Variants in LCN8 observed in about 807,000 individuals in gnomAD.
LCN8 encodes the protein epididymal-specific lipocalin-8.
LCN8 carries 16 observed loss-of-function variants against 22.8 expected under a neutral mutation model. The observed-to-expected ratio is 0.70, with a 90% CI of 0.47 to 1.06. The LOEUF (loss-of-function observed/expected upper bound fraction) is 1.06. Ranked by LOEUF, LCN8 falls within the 50% of genes least tolerant of loss-of-function variation. LCN8 has a pLI of 0.00. For synonymous variants in LCN8, 92 were observed against 83.4 expected (o/e 1.10, Z -0.56); for missense variants, 189 against 203.3 (o/e 0.93, Z 0.43).
rs1489772531 is a variant in LCN8, at chr9:136,757,976, G to A, written c.-46C>T. ...GGAGCACCACGAGGACACCCAGGATGGTGCACGGCAGCCTGGCCTCCGTGG... is the reference window on the plus strand; with the variant it reads ...GGAGCACCACGAGGACACCCAGGATAGTGCACGGCAGCCTGGCCTCCGTGG... On this transcript the variant is annotated 5_prime_UTR_variant, in exon 1 of 7. Transcript: ENST00000371688. 6.2e-7 allele frequency: 1 copy of A among 1,610,702 alleles called. No individual in the cohort carries two copies. Among genetic ancestry groups the A allele is most frequent in the African/African-American group, 1.3e-5 (1 of 74,836 alleles).
Position 136,755,527 on chromosome 9 carries a change from C to A in LCN8, c.227-11G>T. 6.2e-7 allele frequency: 1 copy of A among 1,608,918 alleles called. No individual in the cohort carries two copies. On this transcript the variant is annotated splice_polypyrimidine_tract_variant and intron_variant, in intron 3 of 6. Transcript: ENST00000371688. ...GGATCTCTCTGTGGCCTTCAAGAGC[C>A]GGCCATGGCGTTGGGGGAGACGTCT...
chr9:136,757,550 G>A lies in LCN8; in HGVS notation c.24+357C>T, dbSNP rs374770648. On this transcript the variant is annotated intron_variant, in intron 1 of 6. Transcript: ENST00000371688. ...GGGCGCGGCGGAGTGAGAAACGCCA[G>A]AGAACAGGTGGCTCGGGTAGCGCAG... The A allele has an allele frequency of 9.2e-5, 126 of 1,374,004 alleles. 1 individual carries two copies. The East Asian group carries it at 1.4e-3, about 15-fold the overall frequency. 85.1% of individuals were successfully genotyped at this position (1,374,004 alleles called of 1,614,324 possible).
rs907211739 is a variant in LCN8 at position 136,758,072 on chromosome 9, C to T, written c.-142G>A. On this transcript the variant is annotated 5_prime_UTR_variant, in exon 1 of 7. Transcript: ENST00000371688. Reference sequence around the variant, plus strand: ...TCTATACGGACAGTGCAGGCTTGTGCGCCCACCCGGGAATGTCATCAGGAC... The same window carrying T: ...TCTATACGGACAGTGCAGGCTTGTGTGCCCACCCGGGAATGTCATCAGGAC... 26 of 1,495,590 alleles carry T rather than the reference C, an allele frequency of 1.7e-5. No homozygotes were observed. Among genetic ancestry groups the T allele is most frequent in the South Asian group, 2.5e-5 (2 of 80,204 alleles). 92.6% of individuals were successfully genotyped at this position (1,495,590 alleles called of 1,614,324 possible). A position where few individuals can be genotyped will look rare whatever the true frequency, so the allele number is the denominator to read the frequency against.
Position 136,758,108 on chromosome 9 carries a change from C to T in LCN8, c.-178G>A. The T allele has an allele frequency of 1.4e-6, 2 of 1,461,704 alleles. No individual in the cohort carries two copies. Among genetic ancestry groups the T allele is most frequent in the Non-Finnish European group, 1.8e-6 (2 of 1,105,850 alleles). The allele number at this position is 1,461,704 out of a possible 1,614,324, so 90.5% of individuals were successfully genotyped here. ...GAATGTCATCAGGACAGCTTGGCTG[C>T]TGGCAGCTCAGAGACGTGGGTTTCT... On this transcript the variant is annotated 5_prime_UTR_variant, in exon 1 of 7. Coordinates refer to ENST00000371688, the MANE Select transcript of LCN8 (RefSeq NM_178469.4).
At chr9:136,755,094 C>A (rs376076787) in intron 6 of LCN8, 41 bp downstream of exon 6, 2 of 1,484,478 alleles carry the variant, frequency 1.3e-6, no homozygotes, top group African/African-American at 1.4e-5. Context: ...GCCAGGGGCC[C>A]GGGAACTTCA....
In LCN8 at chr9:136,757,114, T is replaced by C. The variant is rs1847228039; in HGVS notation, c.79A>G (p.Thr27Ala). The stretch of plus-strand genomic sequence containing the variant: ...AAGCCCTCCACCCGCTTCGGGGCCG[T>C]CAGCACCAGGCTTTGATCGGAGGCC... The part of the protein sequence containing the change: ...GVASDQSLVL[T>A]APKRVEGLFL... The change falls in exon 2 of 7, where the codon ACG becomes GCG. Residue 27 changes from threonine (T) to alanine (A), a missense_variant. Coordinates refer to ENST00000371688, the MANE Select transcript of LCN8 (RefSeq NM_178469.4). 1.2e-6 allele frequency: 2 copies of C among 1,613,410 alleles called. No homozygotes were observed. The highest frequency in any genetic ancestry group is 2.7e-5 in the African/African-American group (2 of 74,908).
At chr9:136,758,471 C>T (rs1359523572), upstream of LCN8, 19 of 991,510 alleles carry the variant, frequency 1.9e-5, no homozygotes, top group Non-Finnish European at 2.3e-5. Flanking sequence ...GTCAGAGCTC[C>T]GGAGGCCGGA....
chr9:136,754,959 A>T, intron 6 of LCN8, 176 bp downstream of exon 6: 36 of 1,398,908 alleles, frequency 2.6e-5, no homozygotes, highest in Non-Finnish European at 3.3e-5. Context: ...AAACCAGGAG[A>T]CAGACTCATC....
upstream of LCN8, chr9:136,758,319 C>T: frequency 3.5e-6 from 4 of 1,136,850 alleles, no homozygotes; most frequent in Non-Finnish European, 4.3e-6. Context: ...CCCCACCCCA[C>T]ATGACACTTG....
At chr9:136,757,539 G>A (rs1467199754) in intron 1 of LCN8, 1 of 1,366,222 alleles carries the variant, frequency 7.3e-7, no homozygotes, top group Non-Finnish European at 9.4e-7. Flanking sequence ...GCGGCGGAGT[G>A]AGAAACGCCA....
chr9:136,757,682 G>A (rs1847242846), intron 1 of LCN8: 1 of 1,439,174 alleles, frequency 6.9e-7, no homozygotes, highest in Non-Finnish European at 9.1e-7. Flanking sequence ...ATTTTCGGGA[G>A]GAAAGAATCT....
At chr9:136,755,373 G>T in intron 4 of LCN8, 39 bp downstream of exon 4, 1 of 1,610,744 alleles carries the variant, frequency 6.2e-7, no homozygotes, top group Non-Finnish European at 8.5e-7. Flanking sequence ...GTCCCTGGGA[G>T]AGCAGCAGCT....
In LCN8 at chr9:136,757,531, G is replaced by A. The variant is rs182709312; in HGVS notation, c.25-363C>T. The stretch of plus-strand genomic sequence containing the variant: ...CTGGAAAAGAAAGCCCGCAGGGCGC[G>A]GCGGAGTGAGAAACGCCAGAGAACA... On this transcript the variant is annotated intron_variant, in intron 1 of 6. Transcript: ENST00000371688. The A allele has an allele frequency of 1.9e-5, 26 of 1,362,458 alleles. No individual in the cohort carries two copies. The East Asian group carries it at 3.2e-4, about 17-fold the overall frequency. The allele number at this position is 1,362,458 out of a possible 1,614,324, so 84.4% of individuals were successfully genotyped here.
chr9:136,755,548 C>T (rs200153866), intron 3 of LCN8, 32 bp from the exon 4 acceptor site: 8 of 1,598,224 alleles, frequency 5.0e-6, no homozygotes, highest in South Asian at 2.2e-5. Context: ...TTGGGGGAGA[C>T]GTCTGAGGGG....
rs567949310 is a variant in LCN8 at position 136,755,481 on chromosome 9, C to G, written c.262G>C (p.Glu88Gln). The G allele has an allele frequency of 1.9e-6, 3 of 1,613,090 alleles. No individual in the cohort carries two copies. The highest frequency in any genetic ancestry group is 1.7e-6 in the Non-Finnish European group (2 of 1,179,956). Residue 88 changes from glutamate (E) to glutamine (Q), a missense_variant, in exon 4 of 7, where the codon GAG becomes CAG. Transcript: ENST00000371688. ...GACACCCGCAGGATGGCGTAGCCCT[C>G]GTAGTCGGTGTCCAGCACGTGGATC... ...REIHVLDTDY[E>Q]GYAILRVSLM...
In LCN8 at chr9:136,757,058, G is replaced by A. The variant is rs149903464; in HGVS notation, c.135C>T (p.Thr45=). Residue 45 remains threonine (T), a synonymous_variant, in exon 2 of 7, where the codon ACC becomes ACT. Coordinates refer to ENST00000371688, the MANE Select transcript of LCN8 (RefSeq NM_178469.4). ...CTTACCTGTTATATGCAACCTTCAC[G>A]GTCAGGTTACTCCCGCTCAAGGTGA... ...LFLTLSGSNL[T]VKVAYNSSGS... The A allele has an allele frequency of 4.6e-5, 74 of 1,613,210 alleles. No homozygotes were observed. Among genetic ancestry groups the A allele is most frequent in the Admixed American group, 1.5e-4 (9 of 59,948 alleles).
rs755869631 is a variant in LCN8, at chr9:136,755,561, C to T, written c.227-45G>A. Reference sequence around the variant, plus strand: ...CGTTGGGGGAGACGTCTGAGGGGGACGGACCTCGAAGGCCAGGGTCTGCAG... The same window carrying T: ...CGTTGGGGGAGACGTCTGAGGGGGATGGACCTCGAAGGCCAGGGTCTGCAG... On this transcript the variant is annotated intron_variant, in intron 3 of 6. Coordinates refer to ENST00000371688, the MANE Select transcript of LCN8 (RefSeq NM_178469.4). 28 of 1,579,384 alleles carry T rather than the reference C, an allele frequency of 1.8e-5. No homozygotes were observed. The East Asian group carries it at 3.5e-4, about 20-fold the overall frequency.
chr9:136,755,182 G>A (rs547742330), intron 5 of LCN8, 22 bp from the exon 6 acceptor site: 2 of 1,605,044 alleles, frequency 1.2e-6, no homozygotes, highest in East Asian at 2.2e-5. Flanking sequence ...GCCAGCATGA[G>A]GAGCTGCAGA....
chr9:136,755,778 C>T (rs935542842), intron 3 of LCN8: 3 of 1,488,302 alleles, frequency 2.0e-6, no homozygotes, highest in Non-Finnish European at 2.7e-6. Context: ...GTGCAGGAAA[C>T]AGCATGGGGA....
Sources: allele counts gnomAD v4.1 joint callset, GRCh38; gene constraint gnomAD v4.1.1; transcripts MANE v1.5; gene names NCBI Gene and HGNC (gene_info 2026-07-23, HGNC 2026-07-21).